Variants in DCAF15 observed in about 807,000 individuals in gnomAD.
DCAF15 encodes DDB1 and CUL4 associated factor 15, also known as DDB1- and CUL4-associated factor 15.
A neutral mutation model predicts 68.0 loss-of-function variants in DCAF15; 24 were observed. The ratio of observed to expected loss-of-function variants is 0.35; its 90% CI spans 0.26 to 0.50. The LOEUF (loss-of-function observed/expected upper bound fraction) is 0.50, where lower values mean the gene tolerates loss of function less well. Among genes scored for constraint, DCAF15 ranks in the 20% least tolerant of loss-of-function variants. DCAF15 has a pLI of 0.98. For synonymous variants in DCAF15, 376 were observed against 341.6 expected, an observed-to-expected ratio of 1.10 and a Z score of -1.11; for missense variants, 627 against 830.6, an observed-to-expected ratio of 0.75 and a Z score of 3.01.
rs746823493 is a variant in DCAF15 at position 13,959,504 on chromosome 19, A to G, written c.1219+25A>G. ...GGTGAGCGGGGGGCAGGCATGTGAC[A>G]GGGCCTGGGATGGAGAGGCCAGCCC... On this transcript the variant is annotated intron_variant, in intron 7 of 12. Transcript: ENST00000254337. 16 of 1,608,904 alleles carry G rather than the reference A, an allele frequency of 9.9e-6. No individual in the cohort carries two copies. The South Asian group carries it at 1.1e-4, about 11-fold the overall frequency.
intron 3 of DCAF15, 38 bp from the exon 4 acceptor site, chr19:13,955,874 T>G (rs774163205): frequency 6.2e-7 from 1 of 1,608,938 alleles, no homozygotes; most frequent in Non-Finnish European, 8.5e-7. Context: ...CCTCCGCAGT[T>G]TCCCTGACCC....
chr19:13,953,026 G>T, intron 1 of DCAF15: 1 of 1,404,800 alleles, frequency 7.1e-7, no homozygotes, highest in Non-Finnish European at 9.9e-7. Context: ...CGCCCCCTTT[G>T]CAGAGCCCCT....
Position 13,961,132 on chromosome 19 carries a change from G to GCCCT in DCAF15, c.*137_*138insCCCT. On this transcript the variant is annotated 3_prime_UTR_variant, in exon 13 of 13. Transcript: ENST00000254337. ...TAGTGTTAGCCTGCGGAACGGGGCT[G>GCCCT]GGCAGGGCAGCCTCTGTTGGCCTGA... is the stretch of plus-strand genomic sequence containing the variant. The GCCCT allele has an allele frequency of 1.9e-6, 2 of 1,036,202 alleles. No individual in the cohort carries two copies. Among genetic ancestry groups the GCCCT allele is most frequent in the Non-Finnish European group, 2.9e-6 (2 of 695,574 alleles). 64.2% of individuals were successfully genotyped at this position (1,036,202 alleles called of 1,614,324 possible). A position where few individuals can be genotyped will look rare whatever the true frequency, so the allele number is the denominator to read the frequency against.
In DCAF15 at chr19:13,955,956, C is replaced by G; in HGVS notation, c.411C>G (p.Asp137Glu). 6.2e-7 allele frequency: 1 copy of G among 1,613,922 alleles called. No individual in the cohort carries two copies. The highest frequency in any genetic ancestry group is 8.5e-7 in the Non-Finnish European group (1 of 1,180,014). The change falls in exon 4 of 13, where the codon GAC becomes GAG. Residue 137 changes from aspartate (D) to glutamate (E), a missense_variant. Transcript: ENST00000254337. Reference protein sequence around the residue: ...RLFQDEEIYSDLYLTVCEWPS... With the variant: ...RLFQDEEIYSELYLTVCEWPS... Reference sequence around the variant, plus strand: ...TCCAGGACGAGGAGATCTACAGCGACCTGTACCTGACCGTATGCGAGTGGC... The same window carrying G: ...TCCAGGACGAGGAGATCTACAGCGAGCTGTACCTGACCGTATGCGAGTGGC...
rs118002013 is a variant in DCAF15, at chr19:13,954,831, C to T, written c.366+170C>T. 9.8e-5 allele frequency among the ~76,000 whole-genome samples: 15 copies of T among 152,302 alleles called. No homozygotes were observed. The East Asian group carries it at 2.7e-3, about 27-fold the overall frequency. ...ACCATATGAAATTACCAGGGCCTGGCATGGTAGCTCACACCTGTAATCCCA... is the reference window on the plus strand; with the variant it reads ...ACCATATGAAATTACCAGGGCCTGGTATGGTAGCTCACACCTGTAATCCCA... On this transcript the variant is annotated intron_variant, in intron 3 of 12. Transcript: ENST00000254337.
intron 12 of DCAF15, 98 bp from the exon 13 acceptor site, chr19:13,960,842 T>C: frequency 6.6e-7 from 1 of 1,511,182 alleles, no homozygotes. Context: ...GTCCCTGCCT[T>C]CTGGAACCTT....
chr19:13,956,668 C>A, intron 6 of DCAF15, 146 bp downstream of exon 6: 1 of 949,218 alleles, frequency 1.1e-6, no homozygotes, highest in Non-Finnish European at 1.6e-6. Context: ...TGCTGCGGTC[C>A]AAATGTGGCC....
intron 1 of DCAF15, 35 bp from the exon 2 acceptor site, chr19:13,954,305 T>C (rs771398503): frequency 6.3e-7 from 1 of 1,584,282 alleles, no homozygotes; most frequent in Admixed American, 1.7e-5. Context: ...GGGCTGCAGA[T>C]GGTGCCTGAA....
Position 13,961,152 on chromosome 19 carries a change from GC to G in DCAF15, c.*159del. 1.2e-6 allele frequency: 1 copy of G among 852,432 alleles called. No individual in the cohort carries two copies. Among genetic ancestry groups the G allele is most frequent in the South Asian group, 1.5e-5 (1 of 64,880 alleles). 52.8% of individuals were successfully genotyped at this position (852,432 alleles called of 1,614,324 possible). A position where few individuals can be genotyped will look rare whatever the true frequency, so the allele number is the denominator to read the frequency against. ...GGGCTGGGCAGGGCAGCCTCTGTTG[GC>G]CTGAGGGTCTGGACGCTTTTTATTT... On this transcript the variant is annotated 3_prime_UTR_variant, in exon 13 of 13. Coordinates refer to ENST00000254337, the MANE Select transcript of DCAF15 (RefSeq NM_138353.4).
At chr19:13,953,223 C>A in intron 1 of DCAF15, 2 of 1,297,808 alleles carry the variant, frequency 1.5e-6, no homozygotes, top group East Asian at 2.9e-5. Context: ...CTCCATCAGA[C>A]TGGAAACTCC....
rs773570953 is a variant in DCAF15 at position 13,956,502 on chromosome 19, C to G, written c.764C>G (p.Ala255Gly). 2 of 1,613,270 alleles carry G rather than the reference C, an allele frequency of 1.2e-6. No individual in the cohort carries two copies. Among genetic ancestry groups the G allele is most frequent in the East Asian group, 4.5e-5 (2 of 44,892 alleles). The change falls in exon 6 of 13, where the codon GCC (alanine) becomes GGC (glycine). Residue 255 changes from alanine (A) to glycine (G), a missense_variant. Ala to Gly is a moderately conservative substitution (Grantham distance 60). Around this residue, in one of 3 missense-constraint regions of DCAF15, gnomAD observed 273 missense variants for 393.7 expected, o/e 0.69. Transcript: ENST00000254337. ...ACCAGCTACTCCCTGGTGGCCTGCG[C>G]CGTCTCCGTCCACTCGGCAGGTAGG... ...LNTSYSLVAC[A>G]VSVHSAGDRS...
In DCAF15 at chr19:13,952,519, C is replaced by T; in HGVS notation, c.7C>T (p.Pro3Ser). The T allele has an allele frequency of 1.6e-6, 2 of 1,249,988 alleles. No homozygotes were observed. Among genetic ancestry groups the T allele is most frequent in the African/African-American group, 3.1e-5 (2 of 64,142 alleles). The allele number at this position is 1,249,988 out of a possible 1,614,324, so 77.4% of individuals were successfully genotyped here. A position where few individuals can be genotyped will look rare whatever the true frequency, so the allele number is the denominator to read the frequency against. Residue 3 changes from proline (P) to serine (S), a missense_variant, in exon 1 of 13, where the codon CCC becomes TCC. Pro to Ser is a moderately conservative substitution (Grantham distance 74). Transcript: ENST00000254337. MA[P>S]SSKSERNSGA... Reference sequence around the variant, plus strand: ...GTGGAGGGAGGGGGTGAAAATGGCGCCCAGCTCGAAATCGGAGCGGAACAG... The same window carrying T: ...GTGGAGGGAGGGGGTGAAAATGGCGTCCAGCTCGAAATCGGAGCGGAACAG...
rs562632233 is a variant in DCAF15 at position 13,956,010 on chromosome 19, C to T, written c.465C>T (p.Phe155=). 1.6e-5 allele frequency: 26 copies of T among 1,613,708 alleles called. No homozygotes were observed. The highest frequency in any genetic ancestry group is 2.2e-5 in the East Asian group (1 of 44,856). The part of the protein sequence containing the change: ...WPSDASKVIV[F]GFNTRSANGM... ...GCGACGCCTCCAAGGTCATCGTCTT[C>T]GGCTTCAAGTGAGACCAGGCGCCTG... Residue 155 remains phenylalanine (F), a synonymous_variant, in exon 4 of 13, where the codon TTC becomes TTT. Coordinates refer to ENST00000254337, the MANE Select transcript of DCAF15 (RefSeq NM_138353.4).
chr19:13,952,652 C>T lies in DCAF15; in HGVS notation c.132+8C>T. The T allele has an allele frequency of 8.2e-7, 1 of 1,212,428 alleles. No homozygotes were observed. 75.1% of individuals were successfully genotyped at this position (1,212,428 alleles called of 1,614,324 possible). A position where few individuals can be genotyped will look rare whatever the true frequency, so the allele number is the denominator to read the frequency against. ...CAGCTGGAGCGGGTCAAGGTGAGGC[C>T]TGGAGCCGGAGTGGGGAGCGCGCCG... On this transcript the variant is annotated splice_region_variant and intron_variant, in intron 1 of 12. Transcript: ENST00000254337.
intron 6 of DCAF15, 86 bp downstream of exon 6, chr19:13,956,608 G>A (rs879054693): frequency 1.1e-5 from 16 of 1,461,276 alleles, no homozygotes; most frequent in African/African-American, 4.2e-5. Context: ...GGCCCCAGGC[G>A]TAGAGAGGTG....
chr19:13,957,971 G>A (rs543264975), intron 6 of DCAF15, among the ~76,000 whole-genome samples: 1 of 152,322 alleles, frequency 6.6e-6, no homozygotes, highest in African/African-American at 2.4e-5. Flanking sequence ...CCCTGGGGCG[G>A]TCGGGGAATG....
Position 13,956,516 on chromosome 19 carries a change from T to C in DCAF15, c.778T>C (p.Ser260Pro). Residue 260 changes from serine (S) to proline (P), a missense_variant, in exon 6 of 13, where the codon TCG becomes CCG. Around this residue, in one of 3 missense-constraint regions of DCAF15, gnomAD observed 273 missense variants for 393.7 expected, o/e 0.69. Transcript: ENST00000254337. The stretch of plus-strand genomic sequence containing the variant: ...GGTGGCCTGCGCCGTCTCCGTCCAC[T>C]CGGCAGGTAGGCCCTGCGGTCTCGT... Reference protein sequence around the residue: ...SLVACAVSVHSAGDRSFCQIL... With the variant: ...SLVACAVSVHPAGDRSFCQIL... 1 of 1,613,032 alleles carries C rather than the reference T, an allele frequency of 6.2e-7. No homozygotes were observed. The highest frequency in any genetic ancestry group is 1.7e-5 in the Admixed American group (1 of 60,030).
chr19:13,954,034 T>C (rs1041585880), intron 1 of DCAF15, among the ~76,000 whole-genome samples: 35 of 152,012 alleles, frequency 2.3e-4, no homozygotes, highest in Admixed American at 2.0e-3. Context: ...GACAGGGTGA[T>C]TGGGGAACTT....
rs759905755 is a variant in DCAF15, at chr19:13,959,061, C to T, written c.801C>T (p.Cys267=). ...TCTTCTTAGGTGACAGGAGTTTCTG[C>T]CAAATCCTGTATGACCACAGCACCT... The part of the protein sequence containing the change: ...SVHSAGDRSF[C]QILYDHSTCP... The change falls in exon 7 of 13, where the codon TGC becomes TGT. Residue 267 remains cysteine (C), a synonymous_variant. Transcript: ENST00000254337. 1.9e-6 allele frequency: 3 copies of T among 1,606,084 alleles called. No individual in the cohort carries two copies. In the Admixed American group the frequency reaches 5.1e-5, roughly 27 times the overall value.
Sources: gnomAD v4.1 joint callset for allele counts (sites outside exome capture counted in the v4.1 genomes callset) on GRCh38, gnomAD v4.1.1 for gene constraint, gnomAD v4.1.1 regional missense constraint, MANE v1.5 for transcripts, NCBI Gene and HGNC (gene_info 2026-07-23, HGNC 2026-07-21) for gene names.